Variants in NEK1 observed in about 807,000 individuals in gnomAD.
The protein encoded by NEK1 is serine/threonine-protein kinase Nek1.
NEK1 carries 137 observed loss-of-function variants against 182.1 expected under a neutral mutation model. The ratio of observed to expected loss-of-function variants is 0.75; its 90% CI spans 0.65 to 0.87. The LOEUF is 0.87. NEK1 is among the 40% of genes least tolerant of loss of function. NEK1 has a pLI of 0.00. For missense variants in NEK1, 1,391 were observed against 1,494.4 expected (o/e 0.93, Z 1.14); for synonymous variants, 513 against 492.2 (o/e 1.04, Z -0.56).
intron 23 of NEK1, among the ~76,000 whole-genome samples, chr4:169,492,094 C>G (rs1750200913): frequency 6.6e-6 from 1 of 151,990 alleles, no homozygotes; most frequent in Non-Finnish European, 1.5e-5. Context: ...GAACAAAGGA[C>G]CAAAAAACAA....
At chr4:169,525,717 C>T (rs1756797633) in intron 19 of NEK1, among the ~76,000 whole-genome samples, 2 of 152,312 alleles carry the variant, frequency 1.3e-5, no homozygotes, top group East Asian at 1.9e-4. Context: ...TATTTACTCT[C>T]TGGCCTTTTA....
chr4:169,454,562 A>G (rs2149477686), intron 27 of NEK1, among the ~76,000 whole-genome samples: 1 of 152,382 alleles, frequency 6.6e-6, no homozygotes, highest in East Asian at 1.9e-4. Context: ...TATGTGGCCA[A>G]CAAACATATG....
intron 27 of NEK1, among the ~76,000 whole-genome samples, chr4:169,439,236 T>G (rs1408485449): frequency 1.3e-5 from 2 of 152,332 alleles, no homozygotes; most frequent in East Asian, 3.9e-4. Flanking sequence ...CAGAAATCCT[T>G]GCTCATTGGT....
chr4:169,492,261 C>T (rs1750241085), intron 23 of NEK1, among the ~76,000 whole-genome samples: 1 of 152,196 alleles, frequency 6.6e-6, no homozygotes, highest in Admixed American at 6.5e-5. Flanking sequence ...TGCCCGTTCT[C>T]CTCAGAAGGA....
At chr4:169,601,358 T>G (rs991741566) in intron 4 of NEK1, among the ~76,000 whole-genome samples, 3 of 152,196 alleles carry the variant, frequency 2.0e-5, no homozygotes, top group Non-Finnish European at 4.4e-5. Context: ...TGAGAATATT[T>G]GGGTAGGACT....
At chr4:169,495,788 C>T (rs1278056387) in intron 23 of NEK1, among the ~76,000 whole-genome samples, 3 of 152,136 alleles carry the variant, frequency 2.0e-5, no homozygotes, top group Admixed American at 1.3e-4. Context: ...CAGTACCATG[C>T]TGTTTTGGTT....
chr4:169,445,404 G>A (rs1205227813), intron 27 of NEK1, among the ~76,000 whole-genome samples: 8 of 151,966 alleles, frequency 5.3e-5, no homozygotes, highest in Non-Finnish European at 1.0e-4. Context: ...CAACATGGGC[G>A]ACAGAGTGAG....
chr4:169,596,845 A>G (rs1392618913), intron 5 of NEK1, among the ~76,000 whole-genome samples: 1 of 152,222 alleles, frequency 6.6e-6, no homozygotes, highest in Non-Finnish European at 1.5e-5. Context: ...AGAACTTGCT[A>G]TTCAGAAGGG....
intron 29 of NEK1, among the ~76,000 whole-genome samples, chr4:169,430,678 T>C (rs1163305107): frequency 6.6e-6 from 1 of 152,214 alleles, no homozygotes; most frequent in African/African-American, 2.4e-5. Context: ...TGTGAATCCA[T>C]GTCATTACAC....
rs1432938346 is a variant in NEK1, at chr4:169,426,165, T to C, written c.2955A>G (p.Gln985=). The C allele has an allele frequency of 1.2e-6, 2 of 1,613,474 alleles. No individual in the cohort carries two copies. Among genetic ancestry groups the C allele is most frequent in the African/African-American group, 2.7e-5 (2 of 74,912 alleles). Residue 985 remains glutamine, a synonymous_variant, in exon 30 of 36, where the codon CAA becomes CAG. Transcript: ENST00000507142. ...SEDGVSSTVD[Q]LSDIHIEPGT... is the part of the protein sequence containing the mutation. ...GCTTACCTATATGAATGTCACTAAG[T>C]TGGTCCACAGTACTCGAGACTCCAT...
chr4:169,594,468 T>C (rs562276562), intron 5 of NEK1, among the ~76,000 whole-genome samples: 9 of 152,252 alleles, frequency 5.9e-5, no homozygotes, highest in Non-Finnish European at 1.3e-4. Context: ...TACCATTTAC[T>C]GTCTGTGTAA....
At chr4:169,536,651 T>C (rs1394169785) in intron 19 of NEK1, among the ~76,000 whole-genome samples, 1 of 151,946 alleles carries the variant, frequency 6.6e-6, no homozygotes, top group Admixed American at 6.6e-5. Flanking sequence ...AATTACCAGA[T>C]TCTCCAGCAT....
At chr4:169,533,625 T>G (rs1212690971) in intron 19 of NEK1, among the ~76,000 whole-genome samples, 2 of 151,982 alleles carry the variant, frequency 1.3e-5, no homozygotes, top group Non-Finnish European at 2.9e-5. Context: ...ATTTTTGAAA[T>G]AAAAGGAAAC....
Position 169,589,427 on chromosome 4 carries a change from A to C in NEK1, c.464+20T>G. Reference sequence around the variant, plus strand: ...TCGCTGAAAACATTATATCAAAACAAAGTTTAAAATTCATGTTACCTATTA... The same window carrying C: ...TCGCTGAAAACATTATATCAAAACACAGTTTAAAATTCATGTTACCTATTA... On this transcript the variant is annotated intron_variant, in intron 7 of 35. Coordinates refer to ENST00000507142, the MANE Select transcript of NEK1 (RefSeq NM_001199397.3). 1 of 1,376,204 alleles carries C rather than the reference A, an allele frequency of 7.3e-7. No individual in the cohort carries two copies. The highest frequency in any genetic ancestry group is 1.0e-6 in the Non-Finnish European group (1 of 998,204). The allele number at this position is 1,376,204 out of a possible 1,614,324, so 85.2% of individuals were successfully genotyped here. A position where few individuals can be genotyped will look rare whatever the true frequency, so the allele number is the denominator to read the frequency against.
chr4:169,590,649 C>A (rs918555614), intron 6 of NEK1, 77 bp downstream of exon 6: 15 of 976,784 alleles, frequency 1.5e-5, no homozygotes, highest in Non-Finnish European at 1.5e-6. Flanking sequence ...AAATCAGGTT[C>A]AAAAATTTTT....
At chr4:169,550,942 T>C (rs1761336476) in intron 18 of NEK1, among the ~76,000 whole-genome samples, 1 of 152,206 alleles carries the variant, frequency 6.6e-6, no homozygotes, top group African/African-American at 2.4e-5. Flanking sequence ...GCTACACATA[T>C]TGATTTTGAG....
chr4:169,400,920 T>A lies in NEK1; in HGVS notation c.3584-269A>T, dbSNP rs202222481. 2.3e-4 allele frequency among the ~76,000 whole-genome samples: 34 copies of A among 146,492 alleles called. No individual in the cohort carries two copies. The highest frequency in any genetic ancestry group is 2.0e-4 in the African/African-American group (8 of 40,068). On this transcript the variant is annotated intron_variant, in intron 33 of 35. Transcript: ENST00000507142. ...AACACTCCTAGAGATGTTACTTAAA[T>A]AAAAAAAAAAAAGTGGAAAAAGCAC...
rs377663184 is a variant in NEK1 at position 169,422,338 on chromosome 4, T to C, written c.3222+2215A>G. On this transcript the variant is annotated intron_variant, in intron 31 of 35. Coordinates refer to ENST00000507142, the MANE Select transcript of NEK1 (RefSeq NM_001199397.3). ...TACTGTGCTCAAAAGAAGTTTGCTA[T>C]TTTTGATGAGATTTATTAGAACATA... Among the ~76,000 whole-genome samples the C allele has an allele frequency of 4.8e-4, 73 of 152,292 alleles. No individual in the cohort carries two copies. In the South Asian group the frequency reaches 0.015, roughly 31 times the overall value.
chr4:169,459,512 A>G (rs1037454948), intron 27 of NEK1, among the ~76,000 whole-genome samples: 1 of 152,176 alleles, frequency 6.6e-6, no homozygotes, highest in African/African-American at 2.4e-5. Context: ...CAATCCAGCA[A>G]CTGTATTCCT....
Sources: gnomAD v4.1 joint callset for allele counts (sites outside exome capture counted in the v4.1 genomes callset) on GRCh38, gnomAD v4.1.1 for gene constraint, MANE v1.5 for transcripts, NCBI Gene and HGNC (gene_info 2026-07-23, HGNC 2026-07-21) for gene names.